RAPGEF5: variants seen among roughly 807,000 people sequenced by gnomAD.
RAPGEF5 encodes the protein Rap guanine nucleotide exchange factor 5.
A neutral mutation model predicts 125.2 loss-of-function variants in RAPGEF5; 65 were observed. The ratio of observed to expected loss-of-function variants is 0.52; its 90% CI spans 0.43 to 0.64. The LOEUF is 0.64. Among genes scored for constraint, RAPGEF5 ranks in the 30% least tolerant of loss-of-function variants. The probability of loss-of-function intolerance (pLI) is 0.00; values close to 1 mark genes in which losing one functional copy is unlikely to be tolerated. For synonymous variants in RAPGEF5, 391 were observed against 385.9 expected (o/e 1.01, Z -0.16); for missense variants, 958 against 1,048.1 (o/e 0.91, Z 1.19).
At chr7:22,318,719 T>C (rs182736471) in intron 1 of RAPGEF5, among the ~76,000 whole-genome samples, 2 of 152,346 alleles carry the variant, frequency 1.3e-5, no homozygotes, top group East Asian at 3.9e-4. Context: ...TCCTCAATGC[T>C]TCCCAGAATC....
chr7:22,282,991 C>T (rs1040338527), intron 6 of RAPGEF5, among the ~76,000 whole-genome samples: 27 of 150,926 alleles, frequency 1.8e-4, no homozygotes, highest in Admixed American at 7.9e-4. Context: ...AAGTATAGAA[C>T]ACAAAATAAA....
chr7:22,269,756 A>C (rs1782373967), intron 6 of RAPGEF5, among the ~76,000 whole-genome samples: 1 of 152,204 alleles, frequency 6.6e-6, no homozygotes, highest in South Asian at 2.1e-4. Flanking sequence ...ACCTGTTGGC[A>C]CTGGAAAAGA....
Position 22,162,472 on chromosome 7 carries a change from C to T in RAPGEF5, c.1353G>A (p.Leu451=). ...GAGCAATCCACTGGGAAACAAGATG[C>T]AAGACTTTACGTTTCCTACGCGGAA... ...SDVPRRKRKV[L]HLVSQWIALY... Residue 451 remains leucine, a synonymous_variant, in exon 13 of 26, where the codon TTG becomes TTA. Coordinates refer to ENST00000665637, the MANE Select transcript of RAPGEF5 (RefSeq NM_012294.5). 1.2e-6 allele frequency: 2 copies of T among 1,604,088 alleles called. No individual in the cohort carries two copies. The highest frequency in any genetic ancestry group is 1.7e-6 in the Non-Finnish European group (2 of 1,170,984).
chr7:22,267,600 A>C (rs1291343510), intron 6 of RAPGEF5, among the ~76,000 whole-genome samples: 1 of 152,168 alleles, frequency 6.6e-6, no homozygotes, highest in East Asian at 1.9e-4. Context: ...TTAAAATCCT[A>C]AATGTCTTTA....
chr7:22,301,917 G>C (rs759312004), intron 5 of RAPGEF5, among the ~76,000 whole-genome samples: 1 of 152,064 alleles, frequency 6.6e-6, no homozygotes, highest in East Asian at 1.9e-4. Flanking sequence ...TGTGGCACAC[G>C]ACTTGCCAGC....
intron 7 of RAPGEF5, among the ~76,000 whole-genome samples, chr7:22,245,370 C>T (rs77078927): frequency 0.043 from 6,492 of 152,128 alleles, 182 homozygotes; most frequent in Non-Finnish European, 0.068. Flanking sequence ...GGGGTCATTT[C>T]CACAAAAATC....
chr7:22,269,913 G>T (rs1456550046), intron 6 of RAPGEF5, among the ~76,000 whole-genome samples: 1 of 152,186 alleles, frequency 6.6e-6, no homozygotes, highest in South Asian at 2.1e-4. Flanking sequence ...AGTCAGATTG[G>T]TGGGAAAAAC....
chr7:22,348,603 G>C (rs1488625855), intron 1 of RAPGEF5, among the ~76,000 whole-genome samples: 2 of 152,156 alleles, frequency 1.3e-5, no homozygotes, highest in Non-Finnish European at 2.9e-5. Context: ...CATGTTTCTT[G>C]TCCAATGGCT....
intron 11 of RAPGEF5, among the ~76,000 whole-genome samples, chr7:22,170,454 T>C (rs1446001732): frequency 2.0e-5 from 3 of 152,072 alleles, no homozygotes; most frequent in Non-Finnish European, 1.5e-5. Context: ...TGAGAGGGAG[T>C]TGGCATTTAA....
At chr7:22,137,366 T>A in intron 21 of RAPGEF5, among the ~76,000 whole-genome samples, 1 of 152,362 alleles carries the variant, frequency 6.6e-6, no homozygotes. Context: ...ATTTTTAGCA[T>A]AGATGATGAA....
intron 9 of RAPGEF5, among the ~76,000 whole-genome samples, chr7:22,210,250 A>T (rs1583484216): frequency 6.6e-6 from 1 of 152,260 alleles, no homozygotes; most frequent in East Asian, 1.9e-4. Context: ...GATAGCATCC[A>T]GCAATCATAA....
At chr7:22,178,193 T>A (rs1784568005) in intron 11 of RAPGEF5, among the ~76,000 whole-genome samples, 2 of 152,222 alleles carry the variant, frequency 1.3e-5, no homozygotes, top group Non-Finnish European at 2.9e-5. Context: ...TTATATTTTT[T>A]AAAATTGAAA....
At chr7:22,237,344 TTTG>T (rs972519953) in intron 7 of RAPGEF5, among the ~76,000 whole-genome samples, 4 of 151,436 alleles carry the variant, frequency 2.6e-5, no homozygotes, top group East Asian at 1.9e-4. Context: ...ATAGATAGTT[TTTG>T]TTGTTGTTGT....
intron 19 of RAPGEF5, among the ~76,000 whole-genome samples, chr7:22,146,268 G>C (rs765551561): frequency 1.3e-5 from 2 of 152,162 alleles, no homozygotes; most frequent in Non-Finnish European, 2.9e-5. Context: ...GTTACAGAGG[G>C]CTCTAACATT....
At chr7:22,127,577 G>A (rs1471516376) in intron 24 of RAPGEF5, among the ~76,000 whole-genome samples, 1 of 152,182 alleles carries the variant, frequency 6.6e-6, no homozygotes, top group Non-Finnish European at 1.5e-5. Context: ...TTGTCTTCAT[G>A]TTCTAGTTCT....
chr7:22,299,593 C>T lies in RAPGEF5; in HGVS notation c.681-8352G>A, dbSNP rs1388428118. ...CACTTATGTAGCTTTTCCTTTATTC[C>T]TGAATTTCCAACTTTCCCTCTGATA... On this transcript the variant is annotated intron_variant, in intron 5 of 25. Transcript: ENST00000665637. Among the ~76,000 whole-genome samples, 5 of 152,146 alleles carry T rather than the reference C, an allele frequency of 3.3e-5. No individual in the cohort carries two copies. The East Asian group carries it at 7.7e-4, about 23-fold the overall frequency.
intron 9 of RAPGEF5, among the ~76,000 whole-genome samples, chr7:22,197,894 G>GT (rs1562757081): frequency 3.3e-4 from 7 of 21,348 alleles, no homozygotes; most frequent in Admixed American, 1.0e-3. Context: ...CTTTTTTTTT[G>GT]GGGGGGGGTG....
At chr7:22,167,573 G>T (rs2128115157) in intron 11 of RAPGEF5, among the ~76,000 whole-genome samples, 1 of 152,264 alleles carries the variant, frequency 6.6e-6, no homozygotes, top group South Asian at 2.1e-4. Flanking sequence ...TTTTTCCAAA[G>T]CCATTTACTT....
chr7:22,208,106 A>C (rs897818969), intron 9 of RAPGEF5, among the ~76,000 whole-genome samples: 1 of 152,036 alleles, frequency 6.6e-6, no homozygotes, highest in Non-Finnish European at 1.5e-5. Context: ...CTTCTGTCTC[A>C]TTAAATGCCG....
Sources: allele counts gnomAD v4.1 joint callset (sites outside exome capture counted in the v4.1 genomes callset), GRCh38; gene constraint gnomAD v4.1.1; transcripts MANE v1.5; gene names NCBI Gene and HGNC (gene_info 2026-07-23, HGNC 2026-07-21).